Variants in PIK3AP1 observed in about 807,000 individuals in gnomAD.
PIK3AP1 encodes the protein phosphoinositide 3-kinase adapter protein 1.
PIK3AP1 carries 21 observed loss-of-function variants against 88.1 expected under a neutral mutation model. The observed-to-expected ratio is 0.24, with a 90% CI of 0.17 to 0.34. PIK3AP1 has a LOEUF of 0.34. Ranked by LOEUF, PIK3AP1 falls within the 10% of genes least tolerant of loss-of-function variation. PIK3AP1 has a pLI of 1.00. For synonymous variants in PIK3AP1, 398 were observed against 400.0 expected (o/e 1.00, Z 0.06); for missense variants, 828 against 1,035.7 (o/e 0.80, Z 2.75).
At chr10:96,710,068 G>T in intron 1 of PIK3AP1, 85 bp from the exon 2 acceptor site, 1 of 1,377,242 alleles carries the variant, frequency 7.3e-7, no homozygotes, top group South Asian at 1.4e-5. Context: ...AGAGCATCCA[G>T]ACACTGGGTC....
chr10:96,625,771 CAG>C (rs1023027866), intron 10 of PIK3AP1, among the ~76,000 whole-genome samples: 2 of 152,096 alleles, frequency 1.3e-5, no homozygotes, highest in African/African-American at 4.8e-5. Context: ...TTTTTTCAGA[CAG>C]AGTCTTGCTC....
intron 1 of PIK3AP1, among the ~76,000 whole-genome samples, chr10:96,716,691 C>T (rs1844506962): frequency 6.6e-6 from 1 of 152,194 alleles, no homozygotes; most frequent in Admixed American, 6.5e-5. Flanking sequence ...TTCCTTTAAC[C>T]ATAAGTAGCT....
At chr10:96,704,060 G>T (rs1455453786) in intron 2 of PIK3AP1, among the ~76,000 whole-genome samples, 3 of 152,176 alleles carry the variant, frequency 2.0e-5, no homozygotes, top group Admixed American at 1.3e-4. Flanking sequence ...AAAGAGTAAA[G>T]ATTGTGATCT....
intron 3 of PIK3AP1, among the ~76,000 whole-genome samples, chr10:96,653,470 C>T (rs1319551854): frequency 2.2e-5 from 3 of 134,006 alleles, no homozygotes; most frequent in South Asian, 2.4e-4. Flanking sequence ...AAGGCCGATA[C>T]TTTATACACT....
intron 1 of PIK3AP1, among the ~76,000 whole-genome samples, chr10:96,711,795 G>GGCT (rs1187674642): frequency 3.2e-5 from 4 of 126,436 alleles, no homozygotes; most frequent in Non-Finnish European, 6.2e-5. Context: ...CTGTCGCCCA[G>GGCT]GCTGGAGCGC....
At chr10:96,694,483 C>T (rs1365172288) in intron 2 of PIK3AP1, among the ~76,000 whole-genome samples, 4 of 150,042 alleles carry the variant, frequency 2.7e-5, no homozygotes, top group African/African-American at 9.8e-5. Context: ...TTTTCCCTTC[C>T]CTCCCCTCCC....
rs1197387959 is a variant in PIK3AP1 at position 96,637,430 on chromosome 10, C to T, written c.1375+8043G>A. Among the ~76,000 whole-genome samples, 3 of 151,962 alleles carry T rather than the reference C, an allele frequency of 2.0e-5. 1 individual carries two copies. Among genetic ancestry groups the T allele is most frequent in the South Asian group, 4.1e-4 (2 of 4,822 alleles). Reference sequence around the variant, plus strand: ...CCAGGCTGGAGTGCAGTGGTGCAATCACGGCCCACTGCAGCCTTGATTTCC... The same window carrying T: ...CCAGGCTGGAGTGCAGTGGTGCAATTACGGCCCACTGCAGCCTTGATTTCC... On this transcript the variant is annotated intron_variant, in intron 8 of 16. Transcript: ENST00000339364.
chr10:96,709,658 G>A lies in PIK3AP1; in HGVS notation c.339C>T (p.Asp113=). 1 of 1,614,254 alleles carries A rather than the reference G, an allele frequency of 6.2e-7. No homozygotes were observed. The highest frequency in any genetic ancestry group is 8.5e-7 in the Non-Finnish European group (1 of 1,180,036). ...CGVRDSEEFL[D]FFPDWAHWQE... is the part of the protein sequence containing the mutation. ...GCCAATGGGCCCAATCTGGAAAGAA[G>A]TCTAGGAACTCCTCGCTGTCCCGCA... Residue 113 remains aspartate, a synonymous_variant, in exon 2 of 17, where the codon GAC becomes GAT. Coordinates refer to ENST00000339364, the MANE Select transcript of PIK3AP1 (RefSeq NM_152309.3).
intron 8 of PIK3AP1, chr10:96,633,046 G>A (rs1241844548): frequency 7.5e-6 from 12 of 1,605,484 alleles, no homozygotes; most frequent in Admixed American, 1.7e-5. Context: ...GGCCACGCTG[G>A]TGAAAAACCT....
At chr10:96,684,716 A>T (rs988510988) in intron 2 of PIK3AP1, among the ~76,000 whole-genome samples, 2 of 152,230 alleles carry the variant, frequency 1.3e-5, no homozygotes, top group Non-Finnish European at 2.9e-5. Flanking sequence ...TACCTTCCAA[A>T]TGGTTGGAAA....
At chr10:96,647,672 C>T (rs191754964) in intron 7 of PIK3AP1, among the ~76,000 whole-genome samples, 12 of 152,332 alleles carry the variant, frequency 7.9e-5, no homozygotes, top group Admixed American at 2.0e-4. Context: ...GAATCACTGT[C>T]TTGTAGATTT....
intron 13 of PIK3AP1, among the ~76,000 whole-genome samples, chr10:96,610,381 A>G (rs1243686493): frequency 3.9e-5 from 6 of 152,200 alleles, no homozygotes; most frequent in Non-Finnish European, 8.8e-5. Flanking sequence ...TATTATCATC[A>G]ATGCCAGCAG....
At chr10:96,691,382 A>C (rs892731189) in intron 2 of PIK3AP1, among the ~76,000 whole-genome samples, 2 of 152,218 alleles carry the variant, frequency 1.3e-5, no homozygotes, top group Non-Finnish European at 2.9e-5. Flanking sequence ...GCTGATTCAT[A>C]CTGAGCATGT....
At position 96,718,291 on chromosome 10, in the gene PIK3AP1, G is replaced by A. The variant is rs1025345478; in HGVS notation, c.13+2091C>T. ...ATTGTATGCTTTAAATGGATGAATT[G>A]TATGGCATGTGAATTATATCACAAT... is the stretch of plus-strand genomic sequence containing the variant. On this transcript the variant is annotated intron_variant, in intron 1 of 16. Coordinates refer to ENST00000339364, the MANE Select transcript of PIK3AP1 (RefSeq NM_152309.3). 2.0e-5 allele frequency among the ~76,000 whole-genome samples: 3 copies of A among 152,250 alleles called. No homozygotes were observed. In the East Asian group the frequency reaches 5.8e-4, roughly 29 times the overall value.
intron 2 of PIK3AP1, among the ~76,000 whole-genome samples, chr10:96,708,602 GC>G (rs1844396310): frequency 1.0e-5 from 1 of 99,766 alleles, no homozygotes; most frequent in African/African-American, 3.8e-5. Flanking sequence ...AAAAAAAAAA[GC>G]AAAAAGAAAG....
chr10:96,690,114 TC>T (rs1190721908), intron 2 of PIK3AP1, among the ~76,000 whole-genome samples: 1 of 152,214 alleles, frequency 6.6e-6, no homozygotes, highest in Non-Finnish European at 1.5e-5. Flanking sequence ...AAGGTAATTA[TC>T]ATGTATCTCC....
intron 8 of PIK3AP1, among the ~76,000 whole-genome samples, chr10:96,641,327 A>G (rs868187563): frequency 1.3e-5 from 2 of 152,036 alleles, no homozygotes; most frequent in African/African-American, 4.8e-5. Context: ...CCCTTTCCCA[A>G]ACTCAAGTCA....
intron 8 of PIK3AP1, among the ~76,000 whole-genome samples, chr10:96,642,478 AAGAAAGAAAGGT>A (rs1843405317): frequency 1.3e-5 from 2 of 151,822 alleles, no homozygotes; most frequent in African/African-American, 4.8e-5. Context: ...GAAAGAAAGA[AAGAAAGAAAGGT>A]AGAAAGAAAG....
intron 3 of PIK3AP1, among the ~76,000 whole-genome samples, chr10:96,656,156 T>C (rs571852900): frequency 6.6e-6 from 1 of 152,292 alleles, no homozygotes; most frequent in South Asian, 2.1e-4. Flanking sequence ...CTATCATAAA[T>C]GCCACACGTT....
Sources: allele counts gnomAD v4.1 joint callset (sites outside exome capture counted in the v4.1 genomes callset), GRCh38; gene constraint gnomAD v4.1.1; transcripts MANE v1.5; gene names NCBI Gene and HGNC (gene_info 2026-07-23, HGNC 2026-07-21).